The following MELK variants were observed in gnomAD, a reference collection of about 807,000 sequenced individuals.
MELK encodes the protein maternal embryonic leucine zipper kinase.
A neutral mutation model predicts 85.0 loss-of-function variants in MELK; 81 were observed. That is an observed-to-expected ratio of 0.95 (90% CI 0.80 to 1.15). The LOEUF is 1.15. Among genes scored for constraint, MELK ranks in the 50% most tolerant of loss-of-function variants. The probability of loss-of-function intolerance (pLI) is 0.00; values close to 1 mark genes in which losing one functional copy is unlikely to be tolerated. For synonymous variants in MELK, 252 were observed against 265.0 expected, an observed-to-expected ratio of 0.95 and a Z score of 0.48; for missense variants, 754 against 777.5, an observed-to-expected ratio of 0.97 and a Z score of 0.36.
Position 36,581,788 on chromosome 9 carries a change from A to G in MELK, c.58+49A>G, listed in dbSNP as rs200329678. 1,241 of 1,451,342 alleles carry G rather than the reference A, an allele frequency of 8.6e-4. 1 individual carries two copies. The highest frequency in any genetic ancestry group is 1.1e-3 in the Non-Finnish European group (1,147 of 1,044,144). 89.9% of individuals were successfully genotyped at this position (1,451,342 alleles called of 1,614,324 possible). ...GCAGTGGATAGATCAACTATTTGAG[A>G]GTATAGATTATTTGGGTAGGTGTGA... On this transcript the variant is annotated intron_variant, in intron 2 of 17. Transcript: ENST00000298048.
intron 8 of MELK, among the ~76,000 whole-genome samples, chr9:36,617,914 C>A (rs1827008224): frequency 6.6e-6 from 1 of 151,870 alleles, no homozygotes; most frequent in Non-Finnish European, 1.5e-5. Flanking sequence ...TGGCTTGAGG[C>A]CAGAAGTTTG....
intron 11 of MELK, among the ~76,000 whole-genome samples, chr9:36,648,612 C>T (rs982131794): frequency 7.9e-5 from 12 of 152,358 alleles, no homozygotes; most frequent in Non-Finnish European, 1.0e-4. Context: ...CTCAAATTCC[C>T]TTCCCTATTC....
At chr9:36,603,818 A>G (rs1564147835) in intron 7 of MELK, among the ~76,000 whole-genome samples, 1 of 152,200 alleles carries the variant, frequency 6.6e-6, no homozygotes, top group Non-Finnish European at 1.5e-5. Context: ...CAGCGAAGTA[A>G]AGGTACTTTC....
chr9:36,647,528 C>T lies in MELK; in HGVS notation c.922-4218C>T, dbSNP rs529263886. ...TTTTTGAGATGGAGTCTCCCTCTGT[C>T]GCCAGGCTGCAGTGCAGCGGCAGAA... On this transcript the variant is annotated intron_variant, in intron 11 of 17. Coordinates refer to ENST00000298048, the MANE Select transcript of MELK (RefSeq NM_014791.4). 1.3e-5 allele frequency among the ~76,000 whole-genome samples: 2 copies of T among 150,354 alleles called. 1 individual carries two copies. Among genetic ancestry groups the T allele is most frequent in the East Asian group, 3.9e-4 (2 of 5,126 alleles).
intron 6 of MELK, among the ~76,000 whole-genome samples, chr9:36,598,186 G>GA (rs1824500182): frequency 7.4e-6 from 1 of 135,852 alleles, no homozygotes; most frequent in Non-Finnish European, 1.6e-5. Context: ...TAGAAGGCAG[G>GA]TTTTTTTTTT....
At chr9:36,676,459 A>C (rs1474569498) in intron 17 of MELK, among the ~76,000 whole-genome samples, 3 of 152,204 alleles carry the variant, frequency 2.0e-5, no homozygotes, top group Non-Finnish European at 4.4e-5. Context: ...GCTTTGCAGG[A>C]TCATACGTAT....
At chr9:36,621,515 A>G (rs1827447963) in intron 8 of MELK, among the ~76,000 whole-genome samples, 1 of 152,092 alleles carries the variant, frequency 6.6e-6, no homozygotes, top group African/African-American at 2.4e-5. Flanking sequence ...AGCAAGGTTA[A>G]ATAGCTTGTA....
intron 11 of MELK, among the ~76,000 whole-genome samples, chr9:36,644,287 T>C (rs1830035442): frequency 3.3e-5 from 5 of 151,774 alleles, no homozygotes; most frequent in African/African-American, 1.2e-4. Flanking sequence ...CTGTCTCTAA[T>C]GTGAAGGGTG....
chr9:36,642,951 A>G, intron 10 of MELK, 46 bp from the exon 11 acceptor site: 3 of 1,351,798 alleles, frequency 2.2e-6, no homozygotes, highest in Non-Finnish European at 3.1e-6. Flanking sequence ...AACATTGAAT[A>G]TATTTGTAAT....
rs769747071 is a variant in MELK at position 36,628,581 on chromosome 9, G to A, written c.667-1718G>A. Among the ~76,000 whole-genome samples the A allele has an allele frequency of 6.1e-4, 92 of 150,188 alleles. 1 individual carries two copies. Among genetic ancestry groups the A allele is most frequent in the Non-Finnish European group, 3.0e-4 (20 of 67,298 alleles). ...ACTACAGGTGCGTGCCACCACGCCC[G>A]GCTAATTTTTGTATTTTTAGTAGAG... On this transcript the variant is annotated intron_variant, in intron 8 of 17. Transcript: ENST00000298048.
chr9:36,639,885 G>A (rs1470770925), intron 10 of MELK, among the ~76,000 whole-genome samples: 1 of 152,108 alleles, frequency 6.6e-6, no homozygotes, highest in African/African-American at 2.4e-5. Context: ...TTAAGATGAT[G>A]GAGGGAACCT....
At chr9:36,657,499 T>G (rs1831369735) in intron 13 of MELK, 136 bp downstream of exon 13, 1 of 946,740 alleles carries the variant, frequency 1.1e-6, no homozygotes, top group Admixed American at 3.4e-5. Context: ...GAGCGATAAC[T>G]GGAATACGAA....
chr9:36,626,274 C>T (rs1827920979), intron 8 of MELK, among the ~76,000 whole-genome samples: 1 of 151,994 alleles, frequency 6.6e-6, no homozygotes, highest in East Asian at 1.9e-4. Flanking sequence ...TAGGATGAAA[C>T]AAATTTTTTG....
intron 12 of MELK, among the ~76,000 whole-genome samples, chr9:36,654,279 T>C (rs1830999480): frequency 6.6e-6 from 1 of 151,644 alleles, no homozygotes; most frequent in African/African-American, 2.4e-5. Flanking sequence ...AAAATCACTT[T>C]CACTAAATTT....
chr9:36,657,493 G>C (rs1160418263), intron 13 of MELK, 130 bp downstream of exon 13: 1 of 979,778 alleles, frequency 1.0e-6, no homozygotes. Context: ...GTTTATGAGC[G>C]ATAACTGGAA....
rs138665526 is a variant in MELK, at chr9:36,636,519, A to T, written c.834+3319A>T. Among the ~76,000 whole-genome samples the T allele has an allele frequency of 1.8e-4, 27 of 147,154 alleles. No individual in the cohort carries two copies. The East Asian group carries it at 2.5e-3, about 14-fold the overall frequency. ...CTCCGCCTCAAAAAATAAATTAATT[A>T]AAAAAAAACAGTAATAATTTACAGT... is the stretch of plus-strand genomic sequence containing the variant. On this transcript the variant is annotated intron_variant, in intron 10 of 17. Coordinates refer to ENST00000298048, the MANE Select transcript of MELK (RefSeq NM_014791.4).
At chr9:36,582,785 G>C (rs995502881) in intron 2 of MELK, among the ~76,000 whole-genome samples, 1 of 152,112 alleles carries the variant, frequency 6.6e-6, no homozygotes, top group Admixed American at 6.6e-5. Flanking sequence ...GCTAAGGATG[G>C]TTCCAGGGTT....
At chr9:36,648,438 A>G (rs1418740401) in intron 11 of MELK, among the ~76,000 whole-genome samples, 1 of 152,214 alleles carries the variant, frequency 6.6e-6, no homozygotes, top group Admixed American at 6.5e-5. Flanking sequence ...TTAGAACCCT[A>G]GATTCCTTTC....
intron 11 of MELK, among the ~76,000 whole-genome samples, chr9:36,650,294 G>C (rs1830592365): frequency 6.6e-6 from 1 of 151,816 alleles, no homozygotes; most frequent in Non-Finnish European, 1.5e-5. Context: ...ACAAAAAAGA[G>C]AAATATTCCA....
Sources: allele counts gnomAD v4.1 joint callset (sites outside exome capture counted in the v4.1 genomes callset), GRCh38; gene constraint gnomAD v4.1.1; transcripts MANE v1.5; gene names NCBI Gene and HGNC (gene_info 2026-07-23, HGNC 2026-07-21).